AUTS2: variants seen among roughly 807,000 people sequenced by gnomAD.
The protein encoded by AUTS2 is autism susceptibility gene 2 protein.
In AUTS2, 17 loss-of-function variants were observed where a neutral mutation model predicts 112.4. The ratio of observed to expected loss-of-function variants is 0.15; its 90% CI spans 0.10 to 0.23. The LOEUF is 0.23. Ranked by LOEUF, AUTS2 falls within the 10% of genes least tolerant of loss-of-function variation. The pLI, the probability that AUTS2 is intolerant of heterozygous loss-of-function variation, is 1.00. For synonymous variants in AUTS2, 751 were observed against 702.7 expected (o/e 1.07, Z -1.09); for missense variants, 1,510 against 1,701.6 (o/e 0.89, Z 1.98).
chr7:69,729,994 A>T (rs4607489), intron 1 of AUTS2, among the ~76,000 whole-genome samples: 58 of 56,732 alleles, frequency 1.0e-3, no homozygotes, highest in Admixed American at 1.6e-3. Context: ...TGTTGTTTTA[A>T]TTTTTTTTTT....
intron 2 of AUTS2, among the ~76,000 whole-genome samples, chr7:69,996,859 C>T (rs1798964848): frequency 6.6e-6 from 1 of 150,928 alleles, no homozygotes; most frequent in Non-Finnish European, 1.5e-5. Context: ...ATTTTATAAC[C>T]CACTCCAGAC....
chr7:70,630,125 C>T (rs984697939), intron 5 of AUTS2, among the ~76,000 whole-genome samples: 4 of 152,050 alleles, frequency 2.6e-5, no homozygotes, highest in South Asian at 2.1e-4. Context: ...GTAGGGGGCT[C>T]GGAAAGGCGG....
At chr7:70,366,219 ACCT>A (rs1480022600) in intron 4 of AUTS2, among the ~76,000 whole-genome samples, 1 of 151,724 alleles carries the variant, frequency 6.6e-6, no homozygotes, top group Non-Finnish European at 1.5e-5. Context: ...ACCACTTGAA[ACCT>A]CCTTCTCTTA....
At chr7:70,286,992 T>C (rs2129611366) in intron 4 of AUTS2, among the ~76,000 whole-genome samples, 1 of 152,322 alleles carries the variant, frequency 6.6e-6, no homozygotes, top group East Asian at 1.9e-4. Flanking sequence ...AAGAATCATA[T>C]TTTTTACATT....
chr7:69,623,748 A>G (rs1793798098), intron 1 of AUTS2, among the ~76,000 whole-genome samples: 1 of 152,124 alleles, frequency 6.6e-6, no homozygotes, highest in Admixed American at 6.5e-5. Context: ...TTTACTGTAA[A>G]ATAGAACACA....
intron 4 of AUTS2, among the ~76,000 whole-genome samples, chr7:70,178,533 C>T (rs1272711461): frequency 5.3e-5 from 8 of 152,176 alleles, no homozygotes; most frequent in South Asian, 4.1e-4. Context: ...GGCACAGTGG[C>T]TCATGCCTGT....
At chr7:70,127,473 C>A (rs945401757) in intron 3 of AUTS2, among the ~76,000 whole-genome samples, 17 of 152,054 alleles carry the variant, frequency 1.1e-4, no homozygotes, top group African/African-American at 4.1e-4. Flanking sequence ...CTTTGTTTTT[C>A]TTTTCCTTAT....
chr7:69,858,465 G>T (rs1353516008), intron 1 of AUTS2, among the ~76,000 whole-genome samples: 1 of 152,186 alleles, frequency 6.6e-6, no homozygotes, highest in Admixed American at 6.5e-5. Context: ...ATTGTAAAGA[G>T]AAGAGGTTGG....
intron 1 of AUTS2, among the ~76,000 whole-genome samples, chr7:69,748,425 G>C (rs1320437387): frequency 6.6e-6 from 1 of 152,170 alleles, no homozygotes; most frequent in Non-Finnish European, 1.5e-5. Context: ...CCACAAATCA[G>C]ATGGGTGGCA....
At position 70,784,951 on chromosome 7, in the gene AUTS2, A is replaced by G. The variant is rs755682279; in HGVS notation, c.2156A>G (p.His719Arg). 1 of 1,614,052 alleles carries G rather than the reference A, an allele frequency of 6.2e-7. No individual in the cohort carries two copies. The highest frequency in any genetic ancestry group is 8.5e-7 in the Non-Finnish European group (1 of 1,180,000). The change falls in exon 16 of 19, where the codon CAC becomes CGC. Residue 719 changes from histidine (H) to arginine (R), a missense_variant. His to Arg is a conservative substitution (Grantham distance 29). Coordinates refer to ENST00000342771, the MANE Select transcript of AUTS2 (RefSeq NM_015570.4). ...STLFSAAGAA[H>R]PTGTPFGPPP... ...ATGTTTGACTTAACAGGTGCTGCACACCCAACTGGGACCCCTTTTGGGCCA... is the reference window on the plus strand; with the variant it reads ...ATGTTTGACTTAACAGGTGCTGCACGCCCAACTGGGACCCCTTTTGGGCCA...
At chr7:70,028,263 T>G (rs1800616981) in intron 2 of AUTS2, among the ~76,000 whole-genome samples, 1 of 152,178 alleles carries the variant, frequency 6.6e-6, no homozygotes, top group Admixed American at 6.5e-5. Context: ...TCTATGAACC[T>G]CTTAAACTTC....
chr7:69,973,635 T>C (rs1024581178), intron 2 of AUTS2, among the ~76,000 whole-genome samples: 2 of 152,158 alleles, frequency 1.3e-5, no homozygotes, highest in African/African-American at 4.8e-5. Context: ...AGATTTTTTT[T>C]ATCATGAATG....
chr7:69,926,079 A>G (rs910909859), intron 2 of AUTS2, among the ~76,000 whole-genome samples: 3 of 152,186 alleles, frequency 2.0e-5, no homozygotes, highest in Non-Finnish European at 4.4e-5. Flanking sequence ...GGCCCAGAAT[A>G]TGGTCTTTCT....
intron 1 of AUTS2, among the ~76,000 whole-genome samples, chr7:69,810,154 A>T (rs1790485823): frequency 6.6e-6 from 1 of 151,982 alleles, no homozygotes; most frequent in African/African-American, 2.4e-5. Flanking sequence ...CACCATGCCC[A>T]CCTCTCTTGT....
At chr7:70,773,976 A>G in intron 11 of AUTS2, 52 bp from the exon 12 acceptor site, 1 of 1,549,580 alleles carries the variant, frequency 6.5e-7, no homozygotes, top group Non-Finnish European at 8.9e-7. Context: ...TCTTGCTTTC[A>G]TGTCACCTGT....
At chr7:70,449,697 AT>A (rs1796453269) in intron 5 of AUTS2, among the ~76,000 whole-genome samples, 1 of 152,216 alleles carries the variant, frequency 6.6e-6, no homozygotes, top group African/African-American at 2.4e-5. Context: ...CGTATTTACA[AT>A]TATGTATAAT....
chr7:70,045,900 C>CA (rs1467710345), intron 2 of AUTS2, among the ~76,000 whole-genome samples: 2 of 149,958 alleles, frequency 1.3e-5, no homozygotes, highest in African/African-American at 4.9e-5. Context: ...AGCTGGATTA[C>CA]AGGCATGAGC....
intron 15 of AUTS2, 63 bp downstream of exon 15, chr7:70,781,819 A>G: frequency 1.9e-6 from 3 of 1,575,604 alleles, no homozygotes; most frequent in Non-Finnish European, 2.6e-6. Flanking sequence ...AACTAAATAA[A>G]TGAGGTTTGG....
intron 4 of AUTS2, among the ~76,000 whole-genome samples, chr7:70,288,969 C>T (rs1788587902): frequency 6.6e-6 from 1 of 152,038 alleles, no homozygotes; most frequent in Admixed American, 6.6e-5. Context: ...CTACCCAGGA[C>T]CCGGTAGAGA....
Sources: gnomAD v4.1 joint callset for allele counts (sites outside exome capture counted in the v4.1 genomes callset) on GRCh38, gnomAD v4.1.1 for gene constraint, MANE v1.5 for transcripts, NCBI Gene and HGNC (gene_info 2026-07-23, HGNC 2026-07-21) for gene names.